SLC4A4: variants seen among roughly 807,000 people sequenced by gnomAD.
SLC4A4 encodes the protein electrogenic sodium bicarbonate cotransporter 1.
A neutral mutation model predicts 111.5 loss-of-function variants in SLC4A4; 27 were observed. That is an observed-to-expected ratio of 0.24 (90% CI 0.18 to 0.33). SLC4A4 has a LOEUF of 0.33. Among genes scored for constraint, SLC4A4 ranks in the 10% least tolerant of loss-of-function variants. The pLI, the probability that SLC4A4 is intolerant of heterozygous loss-of-function variation, is 1.00. For synonymous variants in SLC4A4, 443 were observed against 463.4 expected (o/e 0.96, Z 0.57); for missense variants, 909 against 1,315.5 (o/e 0.69, Z 4.78).
intron 2 of SLC4A4, among the ~76,000 whole-genome samples, chr4:71,160,157 A>T (rs1475468264): frequency 6.6e-6 from 1 of 152,074 alleles, no homozygotes; most frequent in Non-Finnish European, 1.5e-5. Context: ...AACCAAAGAT[A>T]TGCAGCTGGT....
At chr4:71,147,871 G>C (rs1744222640) in intron 2 of SLC4A4, among the ~76,000 whole-genome samples, 1 of 152,110 alleles carries the variant, frequency 6.6e-6, no homozygotes, top group South Asian at 2.1e-4. Context: ...AGTCTGGCCT[G>C]GTTGTCCCGA....
chr4:71,334,621 G>A (rs1217807363), intron 3 of SLC4A4, among the ~76,000 whole-genome samples: 2 of 152,088 alleles, frequency 1.3e-5, no homozygotes, highest in Non-Finnish European at 2.9e-5. Context: ...ACACGATTTT[G>A]GAATTTTAAT....
At chr4:71,165,313 T>A (rs1283299957) in intron 2 of SLC4A4, among the ~76,000 whole-genome samples, 3 of 152,158 alleles carry the variant, frequency 2.0e-5, no homozygotes, top group Non-Finnish European at 4.4e-5. Flanking sequence ...CAAATGCCCA[T>A]CAATGATGGT....
Position 71,152,953 on chromosome 4 carries a change from ATG to A in SLC4A4, c.-2+60173_-2+60174del, listed in dbSNP as rs1194602535. On this transcript the variant is annotated intron_variant, in intron 2 of 26. Coordinates refer to the SLC4A4 transcript ENST00000649996. The stretch of plus-strand genomic sequence containing the variant: ...TATCACATATATATATCCTATATAT[ATG>A]TGTGTGTGTGTATATATATGTAAAT... 1.4e-3 allele frequency among the ~76,000 whole-genome samples: 201 copies of A among 146,600 alleles called. 1 individual carries two copies. In the Middle Eastern group the frequency reaches 0.014, roughly 10 times the overall value.
At chr4:71,552,269 C>T (rs994167016) in intron 20 of SLC4A4, among the ~76,000 whole-genome samples, 1 of 151,748 alleles carries the variant, frequency 6.6e-6, no homozygotes, top group East Asian at 1.9e-4. Flanking sequence ...AGTAGTAGGG[C>T]CAGAATTTGA....
intron 3 of SLC4A4, among the ~76,000 whole-genome samples, chr4:71,301,500 G>A (rs1166456053): frequency 2.6e-5 from 4 of 152,136 alleles, no homozygotes; most frequent in East Asian, 1.9e-4. Flanking sequence ...GGATAAAGGC[G>A]GCATGAAAGT....
chr4:71,504,936 G>C (rs985363974), intron 16 of SLC4A4, among the ~76,000 whole-genome samples: 2 of 151,992 alleles, frequency 1.3e-5, no homozygotes, highest in Non-Finnish European at 2.9e-5. Context: ...GTATCCATGT[G>C]TTCTCATCAT....
At chr4:71,282,313 G>A (rs1214780068) in intron 3 of SLC4A4, among the ~76,000 whole-genome samples, 1 of 149,942 alleles carries the variant, frequency 6.7e-6, no homozygotes, top group African/African-American at 2.5e-5. Context: ...TTTTTTTTGA[G>A]ATGGAGTTTT....
rs145478303 is a variant in SLC4A4, at chr4:71,335,810, G to A, written c.254-3560G>A. On this transcript the variant is annotated intron_variant, in intron 3 of 25. Transcript: ENST00000264485. ...ACTGCACTCCAGCCTGGGCAATAGT[G>A]TGAGACTCTGTCTCAAAAAAAAAAA... Among the ~76,000 whole-genome samples the A allele has an allele frequency of 9.0e-4, 136 of 151,064 alleles. 1 individual carries two copies. The highest frequency in any genetic ancestry group is 3.2e-3 in the African/African-American group (131 of 41,154).
At chr4:71,340,647 A>C (rs558663301) in intron 4 of SLC4A4, among the ~76,000 whole-genome samples, 6 of 152,274 alleles carry the variant, frequency 3.9e-5, no homozygotes, top group African/African-American at 1.4e-4. Context: ...TAGAAGGTTC[A>C]TCTGAGTTTG....
intron 3 of SLC4A4, among the ~76,000 whole-genome samples, chr4:71,327,922 C>T (rs1322638320): frequency 6.6e-6 from 1 of 151,808 alleles, no homozygotes; most frequent in Non-Finnish European, 1.5e-5. Context: ...AATACTAGGC[C>T]TTATTTATTC....
intron 18 of SLC4A4, among the ~76,000 whole-genome samples, chr4:71,541,621 G>C (rs956805640): frequency 6.6e-6 from 1 of 152,032 alleles, no homozygotes; most frequent in Admixed American, 6.6e-5. Context: ...GCTGCCTGTG[G>C]CCTCCCCTAT....
chr4:71,094,701 A>T (rs1002441729), intron 2 of SLC4A4, among the ~76,000 whole-genome samples: 4 of 152,286 alleles, frequency 2.6e-5, no homozygotes, highest in African/African-American at 9.6e-5. Context: ...CTTGTTTTTT[A>T]AAAAATATAC....
intron 1 of SLC4A4, among the ~76,000 whole-genome samples, chr4:71,234,853 T>A (rs771073342): frequency 1.8e-4 from 28 of 152,208 alleles, no homozygotes; most frequent in Non-Finnish European, 3.8e-4. Flanking sequence ...TATATCAGGA[T>A]GGGCTATTAT....
chr4:71,402,469 C>T (rs1560475817), intron 7 of SLC4A4, among the ~76,000 whole-genome samples: 2 of 152,138 alleles, frequency 1.3e-5, no homozygotes, highest in Non-Finnish European at 2.9e-5. Flanking sequence ...TCAAAAAAAC[C>T]TACAGTTCAC....
chr4:71,388,593 G>C (rs1437221006), intron 6 of SLC4A4, among the ~76,000 whole-genome samples: 1 of 152,038 alleles, frequency 6.6e-6, no homozygotes, highest in Non-Finnish European at 1.5e-5. Context: ...GCCCAGGCTG[G>C]AGTACAGTGA....
Position 71,509,355 on chromosome 4 carries a change from T to A in SLC4A4, c.2166+11663T>A, listed in dbSNP as rs527651634. On this transcript the variant is annotated intron_variant, in intron 16 of 25. Coordinates refer to ENST00000264485, the MANE Select transcript of SLC4A4 (RefSeq NM_001098484.3). ...TGTGTCTCTATGTTGATATCACACATCTAGTGAAATAGTCATTTTTTAAAA... is the reference window on the plus strand; with the variant it reads ...TGTGTCTCTATGTTGATATCACACAACTAGTGAAATAGTCATTTTTTAAAA... Among the ~76,000 whole-genome samples, 14 of 152,206 alleles carry A rather than the reference T, an allele frequency of 9.2e-5. No individual in the cohort carries two copies. In the South Asian group the frequency reaches 2.9e-3, roughly 32 times the overall value.
chr4:71,362,481 T>C (rs1012800193), intron 6 of SLC4A4, among the ~76,000 whole-genome samples: 2 of 152,244 alleles, frequency 1.3e-5, no homozygotes, highest in African/African-American at 2.4e-5. Context: ...TTTTATACAA[T>C]ATGTTTAAGC....
intron 9 of SLC4A4, among the ~76,000 whole-genome samples, chr4:71,448,161 A>C (rs983865353): frequency 1.6e-4 from 25 of 152,054 alleles, no homozygotes; most frequent in Middle Eastern, 3.2e-3. Flanking sequence ...TTCTACTAAA[A>C]ATAAAAAAAT....
Sources: gnomAD v4.1 joint callset for allele counts (sites outside exome capture counted in the v4.1 genomes callset) on GRCh38, gnomAD v4.1.1 for gene constraint, MANE v1.5 for transcripts, NCBI Gene and HGNC (gene_info 2026-07-23, HGNC 2026-07-21) for gene names.